Variants in PTPRD observed in about 807,000 individuals in gnomAD.
PTPRD encodes protein tyrosine phosphatase receptor type D.
PTPRD carries 34 observed loss-of-function variants against 214.5 expected under a neutral mutation model. The ratio of observed to expected loss-of-function variants is 0.16; its 90% CI spans 0.12 to 0.21. PTPRD has a LOEUF of 0.21. PTPRD is among the 10% of genes least tolerant of loss of function. PTPRD has a pLI of 1.00. For missense variants in PTPRD, 2,545 were observed against 2,398.7 expected (o/e 1.06, Z -1.27); for synonymous variants, 1,128 against 845.7 (o/e 1.33, Z -5.79).
At chr9:10,460,919 C>T in intron 2 of PTPRD, among the ~76,000 whole-genome samples, 1 of 152,014 alleles carries the variant, frequency 6.6e-6, no homozygotes, top group Non-Finnish European at 1.5e-5. Flanking sequence ...AGTTTCTTCT[C>T]AGCAAAAGAA....
chr9:8,351,742 T>TTA (rs2075521759), intron 39 of PTPRD, among the ~76,000 whole-genome samples: 2 of 68,526 alleles, frequency 2.9e-5, no homozygotes, highest in African/African-American at 1.5e-4. Context: ...TGGCAAAGAG[T>TTA]AAAAAAAAAA....
chr9:9,105,876 T>G (rs2099797755), intron 10 of PTPRD, among the ~76,000 whole-genome samples: 1 of 152,170 alleles, frequency 6.6e-6, no homozygotes, highest in Non-Finnish European at 1.5e-5. Flanking sequence ...GAATCCACAC[T>G]CTTTACTTAG....
chr9:8,615,681 GTCTT>G (rs2095589437), intron 14 of PTPRD, among the ~76,000 whole-genome samples: 1 of 151,870 alleles, frequency 6.6e-6, no homozygotes, highest in Non-Finnish European at 1.5e-5. Context: ...GGCTTTTCCT[GTCTT>G]TATTTAATAG....
intron 11 of PTPRD, among the ~76,000 whole-genome samples, chr9:8,835,214 T>C (rs1035992124): frequency 1.3e-5 from 2 of 152,238 alleles, no homozygotes; most frequent in African/African-American, 4.8e-5. Flanking sequence ...GGGTACCAGC[T>C]ATAGTCAAGA....
At chr9:10,510,199 T>C (rs77935952) in intron 2 of PTPRD, among the ~76,000 whole-genome samples, 144 of 152,216 alleles carry the variant, frequency 9.5e-4, no homozygotes, top group African/African-American at 3.3e-3. Context: ...TTTCATTCCT[T>C]TCTTTCCCAT....
At chr9:8,504,221 G>T (rs541995431) in intron 23 of PTPRD, 40 bp downstream of exon 23, 2 of 1,609,400 alleles carry the variant, frequency 1.2e-6, no homozygotes, top group Non-Finnish European at 1.7e-6. Flanking sequence ...TCTCCCCGAG[G>T]AAATAAAAAG....
chr9:8,916,642 C>A (rs548711446), intron 11 of PTPRD, among the ~76,000 whole-genome samples: 4 of 152,250 alleles, frequency 2.6e-5, no homozygotes, highest in Non-Finnish European at 4.4e-5. Flanking sequence ...CTTTACTAAA[C>A]CCAGTGAAAT....
intron 34 of PTPRD, chr9:8,437,350 G>T: frequency 1.2e-6 from 1 of 829,134 alleles, no homozygotes; most frequent in Non-Finnish European, 1.8e-6. Context: ...AATGCTGCAA[G>T]TTTTTACAGA....
At chr9:9,384,343 CT>C (rs869246078) in intron 9 of PTPRD, among the ~76,000 whole-genome samples, 1 of 33,318 alleles carries the variant, frequency 3.0e-5, no homozygotes. Context: ...GAAGACTAGG[CT>C]TTTTTTTTTT....
intron 3 of PTPRD, among the ~76,000 whole-genome samples, chr9:10,213,182 A>AT (rs1003114061): frequency 2.6e-5 from 4 of 152,050 alleles, no homozygotes; most frequent in South Asian, 4.1e-4. Flanking sequence ...CTTCTACTTC[A>AT]TTTTTTTAAC....
At chr9:8,346,285 A>C (rs915518355) in intron 39 of PTPRD, among the ~76,000 whole-genome samples, 18 of 152,110 alleles carry the variant, frequency 1.2e-4, no homozygotes, top group African/African-American at 4.1e-4. Context: ...TTCAGGGATT[A>C]TTTGCTGAAA....
intron 11 of PTPRD, among the ~76,000 whole-genome samples, chr9:8,931,798 T>G (rs182164009): frequency 2.0e-5 from 3 of 152,022 alleles, no homozygotes; most frequent in Non-Finnish European, 2.9e-5. Context: ...TGGTCCTGGT[T>G]TTTTTTTGGT....
intron 5 of PTPRD, among the ~76,000 whole-genome samples, chr9:9,822,393 G>C (rs1187433724): frequency 2.0e-5 from 3 of 149,808 alleles, no homozygotes; most frequent in South Asian, 2.1e-4. Context: ...CCTGGTGACA[G>C]AGCAGGACTC....
intron 12 of PTPRD, among the ~76,000 whole-genome samples, chr9:8,653,402 T>A (rs929634945): frequency 3.3e-5 from 5 of 152,160 alleles, no homozygotes; most frequent in Non-Finnish European, 5.9e-5. Flanking sequence ...AATATAGTCA[T>A]TATTTTTTTA....
chr9:10,464,547 A>T (rs1588766728), intron 2 of PTPRD, among the ~76,000 whole-genome samples: 1 of 152,210 alleles, frequency 6.6e-6, no homozygotes, highest in East Asian at 1.9e-4. Flanking sequence ...CATTACAGCT[A>T]CTTTGTGTGT....
chr9:10,395,938 A>G (rs1359384079), intron 2 of PTPRD, among the ~76,000 whole-genome samples: 1 of 151,454 alleles, frequency 6.6e-6, no homozygotes, highest in Non-Finnish European at 1.5e-5. Context: ...GAAGCCACAG[A>G]GGGACATAGA....
chr9:9,181,984 G>C (rs950198901), intron 10 of PTPRD, among the ~76,000 whole-genome samples: 2 of 152,020 alleles, frequency 1.3e-5, no homozygotes, highest in African/African-American at 4.8e-5. Flanking sequence ...AGCAGAATGA[G>C]TAGTATTTTA....
chr9:8,696,468 C>T (rs1474390242), intron 12 of PTPRD, among the ~76,000 whole-genome samples: 1 of 152,114 alleles, frequency 6.6e-6, no homozygotes, highest in Non-Finnish European at 1.5e-5. Context: ...CAAGTAATCA[C>T]TGAGCAATCC....
chr9:9,405,759 T>C (rs538460264), intron 8 of PTPRD, among the ~76,000 whole-genome samples: 9 of 152,140 alleles, frequency 5.9e-5, no homozygotes, highest in African/African-American at 1.7e-4. Context: ...TTTAACAAAA[T>C]GTATTTTCCC....
Sources: gnomAD v4.1 joint callset for allele counts (sites outside exome capture counted in the v4.1 genomes callset) on GRCh38, gnomAD v4.1.1 for gene constraint, MANE v1.5 for transcripts, NCBI Gene and HGNC (gene_info 2026-07-23, HGNC 2026-07-21) for gene names.